The following TYW1B variants were observed in gnomAD, a reference collection of about 807,000 sequenced individuals.
The protein encoded by TYW1B is S-adenosyl-L-methionine-dependent tRNA 4-demethylwyosine synthase TYW1B.
In TYW1B, 73 loss-of-function variants were observed where a neutral mutation model predicts 86.9. That is an observed-to-expected ratio of 0.84 (90% CI 0.70 to 1.02). TYW1B has a LOEUF of 1.02. Among genes scored for constraint, TYW1B ranks in the 50% least tolerant of loss-of-function variants. The pLI is 0.00. For synonymous variants in TYW1B, 248 were observed against 292.8 expected, an observed-to-expected ratio of 0.85 and a Z score of 1.56; for missense variants, 637 against 827.4, an observed-to-expected ratio of 0.77 and a Z score of 2.82.
chr7:72,754,729 C>G, intron 7 of TYW1B, among the ~76,000 whole-genome samples: 1 of 152,082 alleles, frequency 6.6e-6, no homozygotes, highest in East Asian at 1.9e-4. Context: ...TGAGCCACTG[C>G]AGCCAGCCAC....
chr7:72,635,352 T>C (rs1386022016), intron 11 of TYW1B, among the ~76,000 whole-genome samples: 4 of 152,168 alleles, frequency 2.6e-5, no homozygotes, highest in African/African-American at 9.7e-5. Flanking sequence ...TGATATCCAA[T>C]AGAGACGGTT....
At chr7:72,596,418 A>AGTGT (rs1180040445) in intron 13 of TYW1B, among the ~76,000 whole-genome samples, 1 of 152,144 alleles carries the variant, frequency 6.6e-6, no homozygotes, top group African/African-American at 2.4e-5. Context: ...TAATCAAAAC[A>AGTGT]GTGTGATACT....
At chr7:72,815,045 G>A (rs1554479097) in intron 3 of TYW1B, among the ~76,000 whole-genome samples, 3 of 149,314 alleles carry the variant, frequency 2.0e-5, no homozygotes, top group African/African-American at 7.4e-5. Flanking sequence ...CTCCAGCCTG[G>A]GTGACACAGT....
At chr7:72,698,235 G>T (rs556234086) in intron 10 of TYW1B, among the ~76,000 whole-genome samples, 1 of 152,258 alleles carries the variant, frequency 6.6e-6, no homozygotes, top group East Asian at 1.9e-4. Context: ...TACCCTTCTT[G>T]ATCAGTTCAC....
intron 11 of TYW1B, among the ~76,000 whole-genome samples, chr7:72,692,135 G>A (rs1814180911): frequency 7.1e-6 from 1 of 140,162 alleles, no homozygotes; most frequent in East Asian, 2.0e-4. Context: ...GAACCCGGGA[G>A]GTAGATGTTG....
intron 13 of TYW1B, among the ~76,000 whole-genome samples, chr7:72,602,645 G>T (rs1473118755): frequency 6.6e-6 from 1 of 152,130 alleles, no homozygotes; most frequent in Non-Finnish European, 1.5e-5. Flanking sequence ...AAAACACGTG[G>T]CTGACTGACA....
chr7:72,769,794 G>T (rs1429482325), intron 7 of TYW1B, among the ~76,000 whole-genome samples: 1 of 152,180 alleles, frequency 6.6e-6, no homozygotes, highest in Non-Finnish European at 1.5e-5. Flanking sequence ...GTTCTTGGCT[G>T]GGCATGGTGG....
chr7:72,673,628 G>A (rs1266317359), intron 11 of TYW1B, among the ~76,000 whole-genome samples: 1 of 152,156 alleles, frequency 6.6e-6, no homozygotes, highest in African/African-American at 2.4e-5. Flanking sequence ...TTGGGAGGAA[G>A]GTGGGATGGT....
chr7:72,617,389 A>G (rs148589989), intron 12 of TYW1B, among the ~76,000 whole-genome samples: 1,999 of 152,260 alleles, frequency 0.013, 49 homozygotes, highest in African/African-American at 0.046. Flanking sequence ...TATTTTTGAG[A>G]CAGAGTCTTG....
At chr7:72,669,807 A>G (rs1387583349) in intron 11 of TYW1B, among the ~76,000 whole-genome samples, 2 of 151,920 alleles carry the variant, frequency 1.3e-5, no homozygotes, top group Non-Finnish European at 2.9e-5. Flanking sequence ...CAATAATAAC[A>G]GCACTGGCTG....
intron 10 of TYW1B, among the ~76,000 whole-genome samples, chr7:72,712,422 G>A (rs1365189410): frequency 7.2e-5 from 11 of 151,930 alleles, no homozygotes; most frequent in Admixed American, 2.6e-4. Context: ...TCCGCCTCCC[G>A]GGTTCAAGCG....
At chr7:72,755,432 T>G (rs1353943886) in intron 7 of TYW1B, among the ~76,000 whole-genome samples, 2 of 151,964 alleles carry the variant, frequency 1.3e-5, no homozygotes, top group East Asian at 3.9e-4. Context: ...TCCCAGCACT[T>G]TGGGAGGCAA....
At chr7:72,678,762 G>A (rs1272178451) in intron 11 of TYW1B, among the ~76,000 whole-genome samples, 5 of 151,372 alleles carry the variant, frequency 3.3e-5, no homozygotes, top group East Asian at 3.9e-4. Flanking sequence ...GGATGGTCTC[G>A]ATCTCTTGAC....
At chr7:72,767,275 A>G (rs1787786724) in intron 7 of TYW1B, among the ~76,000 whole-genome samples, 2 of 152,154 alleles carry the variant, frequency 1.3e-5, no homozygotes, top group South Asian at 4.1e-4. Context: ...AATTATTTCA[A>G]AACAATTACA....
intron 8 of TYW1B, among the ~76,000 whole-genome samples, chr7:72,738,043 GGATTACAGGC>G (rs1787229410): frequency 6.6e-6 from 1 of 150,918 alleles, no homozygotes; most frequent in African/African-American, 2.4e-5. Flanking sequence ...CAAAGTGCTG[GGATTACAGGC>G]GTGAGCCACC....
Position 72,770,953 on chromosome 7 carries a change from CTTTTTTTTTT to C in TYW1B, c.964+6453_964+6462del, listed in dbSNP as rs202136569. Among the ~76,000 whole-genome samples the C allele has an allele frequency of 3.2e-3, 284 of 87,500 alleles. 12 individuals are homozygous for C. The South Asian group carries it at 0.11, about 32-fold the overall frequency. 57.4% of individuals were successfully genotyped at this position (87,500 alleles called of 152,430 possible). ...ACATGATTCCACTCATATGAATTTCCTTTTTTTTTTTTTTTTTTTTTTTTTTGAGATGGAG... is the reference window on the plus strand; with the variant it reads ...ACATGATTCCACTCATATGAATTTCCTTTTTTTTTTTTTTTTGAGATGGAG... On this transcript the variant is annotated intron_variant, in intron 7 of 13. Transcript: ENST00000620995.
At chr7:72,818,637 A>T (rs1382212520) in intron 2 of TYW1B, among the ~76,000 whole-genome samples, 35 of 148,528 alleles carry the variant, frequency 2.4e-4, no homozygotes, top group African/African-American at 6.6e-4. Flanking sequence ...GCAATTTATT[A>T]AAAAAAAGAC....
chr7:72,634,438 C>G (rs1812619995), intron 11 of TYW1B, among the ~76,000 whole-genome samples: 2 of 148,902 alleles, frequency 1.3e-5, no homozygotes, highest in South Asian at 4.3e-4. Flanking sequence ...ATCCTCTTGC[C>G]TTGGCCTCCC....
At chr7:72,593,749 G>A (rs1811457648) in intron 13 of TYW1B, among the ~76,000 whole-genome samples, 1 of 149,080 alleles carries the variant, frequency 6.7e-6, no homozygotes, top group Admixed American at 6.8e-5. Context: ...GTGAACCCGG[G>A]AGGCGGAGCT....
Sources: allele counts gnomAD v4.1 joint callset (sites outside exome capture counted in the v4.1 genomes callset), GRCh38; gene constraint gnomAD v4.1.1; transcripts MANE v1.5; gene names NCBI Gene and HGNC (gene_info 2026-07-23, HGNC 2026-07-21).